TRHDE: variants seen among roughly 807,000 people sequenced by gnomAD.
The protein encoded by TRHDE is thyrotropin-releasing hormone-degrading ectoenzyme.
In TRHDE, 72 loss-of-function variants were observed where a neutral mutation model predicts 125.7. That is an observed-to-expected ratio of 0.57 (90% CI 0.47 to 0.70). TRHDE has a LOEUF of 0.70. Ranked by LOEUF, TRHDE falls within the 30% of genes least tolerant of loss-of-function variation. The pLI, the probability that TRHDE is intolerant of heterozygous loss-of-function variation, is 0.00. For missense variants in TRHDE, 1,110 were observed against 1,327.1 expected (o/e 0.84, Z 2.54); for synonymous variants, 509 against 509.1 (o/e 1.00, Z 0.00).
chr12:72,409,899 T>A (rs578260022), intron 3 of TRHDE, among the ~76,000 whole-genome samples: 15 of 152,234 alleles, frequency 9.9e-5, no homozygotes, highest in Non-Finnish European at 8.8e-5. Flanking sequence ...ATAATTCAAG[T>A]GTTTGAAGGT....
chr12:72,175,808 T>G (rs1876976199), intron 2 of TRHDE, among the ~76,000 whole-genome samples: 1 of 152,234 alleles, frequency 6.6e-6, no homozygotes, highest in Non-Finnish European at 1.5e-5. Context: ...ATTCTATGAA[T>G]AACCTCAAAT....
At position 72,293,971 on chromosome 12, in the gene TRHDE, C is replaced by G. The variant is rs371956236; in HGVS notation, c.1188+7017C>G. On this transcript the variant is annotated intron_variant, in intron 2 of 18. Transcript: ENST00000261180. ...CCAGCTGCTGCAGTGGGGCAGGCAG[C>G]TCCAGATGCTGTCATGGGCACTGGA... 2.0e-5 allele frequency among the ~76,000 whole-genome samples: 3 copies of G among 152,146 alleles called. No individual in the cohort carries two copies. The East Asian group carries it at 5.8e-4, about 29-fold the overall frequency.
intron 2 of TRHDE, among the ~76,000 whole-genome samples, chr12:72,191,855 T>C (rs759475417): frequency 5.3e-5 from 8 of 152,202 alleles, no homozygotes; most frequent in Non-Finnish European, 8.8e-5. Context: ...CATTATTTTT[T>C]AAAATCAGTG....
chr12:72,590,259 T>C (rs1871618114), intron 12 of TRHDE, among the ~76,000 whole-genome samples: 1 of 152,078 alleles, frequency 6.6e-6, no homozygotes. Context: ...ATATTTTCAG[T>C]CTTGTTTTAT....
intron 2 of TRHDE, among the ~76,000 whole-genome samples, chr12:72,166,728 A>T (rs1876757951): frequency 6.6e-6 from 1 of 152,188 alleles, no homozygotes; most frequent in Non-Finnish European, 1.5e-5. Context: ...CTGTATAAAG[A>T]TGATTTCTCA....
At chr12:72,610,583 T>C (rs1872596962) in intron 12 of TRHDE, 1 of 152,210 alleles carries the variant, frequency 6.6e-6, no homozygotes, top group African/African-American at 2.4e-5. Flanking sequence ...AGCAAACAGT[T>C]CGGGTGCCTG....
intron 2 of TRHDE, among the ~76,000 whole-genome samples, chr12:72,236,437 T>C (rs912266454): frequency 6.7e-6 from 1 of 149,884 alleles, no homozygotes; most frequent in Non-Finnish European, 1.5e-5. Context: ...CATCATATCT[T>C]GTAGCTGTCA....
intron 1 of TRHDE, among the ~76,000 whole-genome samples, chr12:72,096,520 T>C (rs112633497): frequency 6.6e-6 from 1 of 152,234 alleles, no homozygotes; most frequent in Admixed American, 6.5e-5. Context: ...GATCACTTTT[T>C]AGCTCAGATG....
intron 2 of TRHDE, among the ~76,000 whole-genome samples, chr12:72,175,837 G>A (rs186840255): frequency 3.3e-5 from 5 of 152,190 alleles, no homozygotes; most frequent in African/African-American, 1.2e-4. Flanking sequence ...CAATTCAGAA[G>A]AATTTTAGAG....
intron 6 of TRHDE, among the ~76,000 whole-genome samples, chr12:72,509,579 C>A (rs147285128): frequency 1.3e-5 from 2 of 152,100 alleles, no homozygotes; most frequent in African/African-American, 4.8e-5. Flanking sequence ...CTCCTTGAAA[C>A]CTTTACTTAA....
At chr12:72,129,130 A>G (rs1410775798) in intron 2 of TRHDE, among the ~76,000 whole-genome samples, 1 of 152,230 alleles carries the variant, frequency 6.6e-6, no homozygotes, top group African/African-American at 2.4e-5. Flanking sequence ...GTCCTGAAAG[A>G]AAAAAGTCCA....
chr12:72,386,108 A>G (rs1267040826), intron 3 of TRHDE, among the ~76,000 whole-genome samples: 1 of 152,098 alleles, frequency 6.6e-6, no homozygotes, highest in African/African-American at 2.4e-5. Flanking sequence ...TACATTTTTA[A>G]TTTGTTTACT....
At chr12:72,353,303 T>A (rs1481408320) in intron 2 of TRHDE, among the ~76,000 whole-genome samples, 1 of 151,674 alleles carries the variant, frequency 6.6e-6, no homozygotes, top group African/African-American at 2.4e-5. Context: ...GAAGCATTTG[T>A]AGTAGATTGA....
intron 2 of TRHDE, among the ~76,000 whole-genome samples, chr12:72,367,414 G>A (rs181035343): frequency 5.5e-4 from 83 of 152,014 alleles, no homozygotes; most frequent in East Asian, 3.9e-3. Flanking sequence ...TGCCACTCCC[G>A]GGCCAGTGCC....
chr12:72,466,417 G>C (rs1480750280), intron 3 of TRHDE, among the ~76,000 whole-genome samples: 1 of 152,122 alleles, frequency 6.6e-6, no homozygotes, highest in African/African-American at 2.4e-5. Context: ...GGGTCAGAAG[G>C]CTTGTTCCTT....
chr12:72,422,029 C>T (rs1873976456), intron 3 of TRHDE, among the ~76,000 whole-genome samples: 1 of 151,958 alleles, frequency 6.6e-6, no homozygotes, highest in African/African-American at 2.4e-5. Context: ...ATAAAAAGTC[C>T]TGTGTCTTTT....
rs1341003189 is a variant in TRHDE, at chr12:72,323,084, C to A, written c.1188+36130C>A. 3.3e-5 allele frequency among the ~76,000 whole-genome samples: 5 copies of A among 152,038 alleles called. 1 individual carries two copies. The highest frequency in any genetic ancestry group is 1.2e-4 in the African/African-American group (5 of 41,372). ...TATAAATGAAAGTCTTAATTTAGTG[C>A]TCATGTGGTTCCCTGTGATCTTGGG... On this transcript the variant is annotated intron_variant, in intron 2 of 18. Coordinates refer to ENST00000261180, the MANE Select transcript of TRHDE (RefSeq NM_013381.3).
intron 2 of TRHDE, among the ~76,000 whole-genome samples, chr12:72,345,505 T>C (rs1870288013): frequency 6.6e-6 from 1 of 152,162 alleles, no homozygotes; most frequent in African/African-American, 2.4e-5. Flanking sequence ...AAATGCTAAT[T>C]ACCTTTGTTT....
At chr12:72,116,074 A>G (rs1335631175) in intron 2 of TRHDE, among the ~76,000 whole-genome samples, 2 of 152,044 alleles carry the variant, frequency 1.3e-5, no homozygotes, top group African/African-American at 4.8e-5. Flanking sequence ...ATGTGTTCTC[A>G]TTGTTAACTC....
Sources: allele counts gnomAD v4.1 joint callset (sites outside exome capture counted in the v4.1 genomes callset), GRCh38; gene constraint gnomAD v4.1.1; transcripts MANE v1.5; gene names NCBI Gene and HGNC (gene_info 2026-07-23, HGNC 2026-07-21).